Variants in ANKFY1 observed in about 807,000 individuals in gnomAD.
ANKFY1 encodes ankyrin repeat and FYVE domain containing 1, also known as ankyrin repeat and FYVE domain-containing protein 1.
ANKFY1 carries 47 observed loss-of-function variants against 128.3 expected under a neutral mutation model. The observed-to-expected ratio is 0.37, with a 90% CI of 0.29 to 0.47. The LOEUF is 0.47. Among genes scored for constraint, ANKFY1 ranks in the 20% least tolerant of loss-of-function variants. The probability of loss-of-function intolerance (pLI) is 1.00; values close to 1 mark genes in which losing one functional copy is unlikely to be tolerated. For synonymous variants in ANKFY1, 553 were observed against 601.6 expected, an observed-to-expected ratio of 0.92 and a Z score of 1.18; for missense variants, 1,222 against 1,510.6, an observed-to-expected ratio of 0.81 and a Z score of 3.17.
intron 20 of ANKFY1, among the ~76,000 whole-genome samples, chr17:4,173,707 T>TC (rs1391539523): frequency 1.3e-5 from 2 of 152,164 alleles, no homozygotes. Context: ...AGTGTGGGCT[T>TC]CCAGGGCTCC....
intron 3 of ANKFY1, among the ~76,000 whole-genome samples, chr17:4,220,931 AG>A (rs2060300399): frequency 6.6e-6 from 1 of 152,226 alleles, no homozygotes; most frequent in East Asian, 1.9e-4. Context: ...GTCCTGCGTG[AG>A]GGAGGTAATC....
rs773951458 is a variant in ANKFY1 at position 4,183,870 on chromosome 17, C to T, written c.1740G>A (p.Pro580=). 1.2e-5 allele frequency: 19 copies of T among 1,613,868 alleles called. No individual in the cohort carries two copies. Among genetic ancestry groups the T allele is most frequent in the African/African-American group, 2.7e-5 (2 of 74,898 alleles). ...LHATNNLQII[P]DFSLKDSRDQ... ...CTCGGGAATCTTTGAGGCTGAAGTC[C>T]GGAATGATCTGCAAGTTGTTGGTGG... Residue 580 remains proline, a synonymous_variant, in exon 13 of 25, where the codon CCG becomes CCA. Transcript: ENST00000341657.
At chr17:4,238,636 G>A (rs140760403) in intron 2 of ANKFY1, among the ~76,000 whole-genome samples, 122 of 151,922 alleles carry the variant, frequency 8.0e-4, no homozygotes, top group South Asian at 2.3e-3. Flanking sequence ...ACCACGCTCC[G>A]CCTATTTTTG....
At chr17:4,226,435 G>A (rs967186818) in intron 3 of ANKFY1, among the ~76,000 whole-genome samples, 5 of 152,114 alleles carry the variant, frequency 3.3e-5, no homozygotes, top group African/African-American at 4.8e-5. Flanking sequence ...TTCACAGGAC[G>A]CAGCTAGAAG....
chr17:4,261,199 CTG>C (rs768830221), intron 1 of ANKFY1, among the ~76,000 whole-genome samples: 1 of 152,188 alleles, frequency 6.6e-6, no homozygotes, highest in Admixed American at 6.5e-5. Context: ...AAAAGAAAAA[CTG>C]TGGCCGGCCG....
rs2059346132 is a variant in ANKFY1 at position 4,172,860 on chromosome 17, GTTTT to G, written c.3015-184_3015-181del. ...TAACCTAAGTGCATGCATAACAAAA[GTTTT>G]TTTGTTTGTTTTTGAGACGGAGTCT... On this transcript the variant is annotated intron_variant, in intron 21 of 24. Transcript: ENST00000341657. 3.3e-5 allele frequency among the ~76,000 whole-genome samples: 5 copies of G among 152,164 alleles called. No homozygotes were observed. In the South Asian group the frequency reaches 1.0e-3, roughly 32 times the overall value.
At chr17:4,236,040 CT>C in intron 2 of ANKFY1, 150 bp from the exon 3 acceptor site, 1 of 607,180 alleles carries the variant, frequency 1.6e-6, no homozygotes, top group Non-Finnish European at 2.9e-6. Flanking sequence ...TATGCTAGCA[CT>C]GAATTCTGGT....
intron 14 of ANKFY1, 90 bp downstream of exon 14, chr17:4,183,308 C>T: frequency 6.6e-7 from 1 of 1,510,368 alleles, no homozygotes; most frequent in Non-Finnish European, 9.0e-7. Context: ...TAATATGAAA[C>T]AAAAACACTT....
chr17:4,175,416 T>C (rs2059395566), intron 19 of ANKFY1, among the ~76,000 whole-genome samples: 2 of 152,142 alleles, frequency 1.3e-5, no homozygotes, highest in East Asian at 3.9e-4. Context: ...GACCTTTACA[T>C]AATACCTATT....
At chr17:4,210,748 G>C (rs1446798613) in intron 4 of ANKFY1, among the ~76,000 whole-genome samples, 1 of 124,244 alleles carries the variant, frequency 8.0e-6, no homozygotes, top group African/African-American at 3.0e-5. Flanking sequence ...CCTATAAGAT[G>C]AATGTGTATG....
chr17:4,255,817 C>CT (rs111967049), intron 1 of ANKFY1, among the ~76,000 whole-genome samples: 1,556 of 144,676 alleles, frequency 0.011, 20 homozygotes, highest in African/African-American at 0.035. Context: ...TACTACTTTT[C>CT]TTTTTTTTTT....
chr17:4,195,204 C>A, intron 9 of ANKFY1, 27 bp from the exon 10 acceptor site: 2 of 1,576,556 alleles, frequency 1.3e-6, no homozygotes, highest in Non-Finnish European at 1.7e-6. Flanking sequence ...GTGTCAACAG[C>A]ACATACAATC....
chr17:4,215,569 C>T (rs1007155246), intron 4 of ANKFY1, among the ~76,000 whole-genome samples: 1 of 152,122 alleles, frequency 6.6e-6, no homozygotes, highest in East Asian at 1.9e-4. Flanking sequence ...CCCTTGACTC[C>T]ACTCCCGGTG....
rs2059518016 is a variant in ANKFY1 at position 4,181,612 on chromosome 17, T to C, written c.2122-240A>G. On this transcript the variant is annotated intron_variant, in intron 15 of 24. Coordinates refer to ENST00000341657, the MANE Select transcript of ANKFY1 (RefSeq NM_001330063.2). The surrounding 1 kb of genome is among the most constrained non-coding windows in gnomAD (Gnocchi z 4.9). Reference sequence around the variant, plus strand: ...AGACTTGGGAAGTATAAACAAGTTATGTTTAATTTGTGTCCTTTAGAGCTG... The same window carrying C: ...AGACTTGGGAAGTATAAACAAGTTACGTTTAATTTGTGTCCTTTAGAGCTG... Among the ~76,000 whole-genome samples the C allele has an allele frequency of 6.6e-6, 1 of 152,370 alleles. No homozygotes were observed. Among genetic ancestry groups the C allele is most frequent in the East Asian group, 1.9e-4 (1 of 5,192 alleles).
intron 6 of ANKFY1, 38 bp downstream of exon 6, chr17:4,207,895 T>A: frequency 1.3e-6 from 2 of 1,517,442 alleles, no homozygotes; most frequent in South Asian, 2.7e-5. Flanking sequence ...TGCATTAGAG[T>A]TTCGGGAAAT....
Position 4,169,389 on chromosome 17 carries a change from G to A in ANKFY1, c.3287-101C>T. 2 of 844,868 alleles carry A rather than the reference G, an allele frequency of 2.4e-6. No individual in the cohort carries two copies. Among genetic ancestry groups the A allele is most frequent in the Admixed American group, 4.3e-5 (2 of 46,184 alleles). 52.3% of individuals were successfully genotyped at this position (844,868 alleles called of 1,614,324 possible). A position where few individuals can be genotyped will look rare whatever the true frequency, so the allele number is the denominator to read the frequency against. The stretch of plus-strand genomic sequence containing the variant: ...GGAACACAGACCCGTAAGTGAGGCA[G>A]CGCTGCCACATGACATAGGTGACGA... On this transcript the variant is annotated intron_variant, in intron 23 of 24. Transcript: ENST00000341657. The surrounding 1 kb of genome is among the most constrained non-coding windows in gnomAD (Gnocchi z 5.0).
At chr17:4,214,664 T>G (rs769421392) in intron 4 of ANKFY1, among the ~76,000 whole-genome samples, 1 of 152,088 alleles carries the variant, frequency 6.6e-6, no homozygotes, top group Non-Finnish European at 1.5e-5. Context: ...TAGCTGGGAT[T>G]ACAGGTGCCC....
chr17:4,177,336 C>T, intron 18 of ANKFY1, 34 bp from the exon 19 acceptor site: 1 of 1,531,074 alleles, frequency 6.5e-7, no homozygotes, highest in Non-Finnish European at 8.8e-7. Context: ...AATATTAGTT[C>T]CCTTTTCAGA....
intron 1 of ANKFY1, among the ~76,000 whole-genome samples, chr17:4,257,225 C>G (rs1307297606): frequency 6.6e-6 from 1 of 152,128 alleles, no homozygotes. Flanking sequence ...TCCCATCAGT[C>G]CTCACCAGCC....
Sources: gnomAD v4.1 joint callset for allele counts (sites outside exome capture counted in the v4.1 genomes callset) on GRCh38, gnomAD v4.1.1 for gene constraint, Gnocchi (gnomAD v3.1) non-coding constraint, MANE v1.5 for transcripts, NCBI Gene and HGNC (gene_info 2026-07-23, HGNC 2026-07-21) for gene names.